SNX8: variants seen among roughly 807,000 people sequenced by gnomAD.
SNX8 encodes sorting nexin-8.
SNX8 carries 25 observed loss-of-function variants against 51.6 expected under a neutral mutation model. The observed-to-expected ratio is 0.48, with a 90% confidence interval of 0.35 to 0.68. The LOEUF (loss-of-function observed/expected upper bound fraction) is 0.68. Ranked by LOEUF, SNX8 falls within the 30% of genes least tolerant of loss-of-function variation. The probability of loss-of-function intolerance (pLI) is 0.00; values close to 1 mark genes in which losing one functional copy is unlikely to be tolerated. For missense variants in SNX8, 695 were observed against 624.0 expected (o/e 1.11, Z -1.21); for synonymous variants, 324 against 277.0 (o/e 1.17, Z -1.68).
At position 2,342,953 on chromosome 7, in the gene SNX8, C is replaced by T. The variant is rs987176675; in HGVS notation, c.-66+11269G>A. Among the ~76,000 whole-genome samples the T allele has an allele frequency of 5.3e-5, 8 of 152,006 alleles. No individual in the cohort carries two copies. The South Asian group carries it at 6.2e-4, about 12-fold the overall frequency. On this transcript the variant is annotated intron_variant, in intron 1 of 5. Coordinates refer to the SNX8 transcript ENST00000435336. ...TTCTCCTGCCTCAGGCGCCCACCAC[C>T]GGCTAATTTTTTTGTATTTTTAGTA...
At chr7:2,320,093 C>T (rs1466770327) in intron 1 of SNX8, among the ~76,000 whole-genome samples, 1 of 152,198 alleles carries the variant, frequency 6.6e-6, no homozygotes, top group East Asian at 1.9e-4. Flanking sequence ...ACATGGCTCA[C>T]GCCTGTAATC....
intron 10 of SNX8, among the ~76,000 whole-genome samples, chr7:2,256,250 C>T (rs1795175266): frequency 6.6e-6 from 1 of 152,226 alleles, no homozygotes; most frequent in Non-Finnish European, 1.5e-5. Flanking sequence ...CAAGCACCTC[C>T]CGGGGACAGT....
intron 7 of SNX8, among the ~76,000 whole-genome samples, chr7:2,262,326 C>T (rs1004157702): frequency 5.3e-5 from 8 of 152,192 alleles, no homozygotes; most frequent in East Asian, 1.9e-4. Flanking sequence ...AGGTGTGAGC[C>T]GCTGTGCCCA....
At chr7:2,333,107 TCTCA>T (rs1778769428) in intron 1 of SNX8, among the ~76,000 whole-genome samples, 1 of 149,280 alleles carries the variant, frequency 6.7e-6, no homozygotes, top group Non-Finnish European at 1.5e-5. Context: ...GAGACGGGGG[TCTCA>T]CTATGTTGCC....
intron 5 of SNX8, among the ~76,000 whole-genome samples, chr7:2,267,798 C>T (rs1229896546): frequency 3.5e-4 from 44 of 125,452 alleles, no homozygotes; most frequent in Non-Finnish European, 2.2e-4. Flanking sequence ...AGGAGCCCCT[C>T]TGCCTGGCTG....
intron 1 of SNX8, among the ~76,000 whole-genome samples, chr7:2,321,147 G>T (rs1278797501): frequency 1.3e-5 from 2 of 152,338 alleles, no homozygotes; most frequent in African/African-American, 4.8e-5. Context: ...AGGTGGAGAA[G>T]AACACAGCAG....
At chr7:2,298,087 C>G (rs77142199) in intron 1 of SNX8, among the ~76,000 whole-genome samples, 3,387 of 152,090 alleles carry the variant, frequency 0.022, 182 homozygotes, top group African/African-American at 0.077. Context: ...AAGCACCTAG[C>G]ATGGTGCCCA....
chr7:2,310,710 G>T (rs1005103109), intron 1 of SNX8, among the ~76,000 whole-genome samples: 10 of 152,108 alleles, frequency 6.6e-5, no homozygotes, highest in African/African-American at 1.2e-4. Flanking sequence ...GGTGGAGCTT[G>T]CAGTGAGCCA....
intron 1 of SNX8, among the ~76,000 whole-genome samples, chr7:2,299,676 G>A (rs193293715): frequency 2.0e-5 from 3 of 152,182 alleles, no homozygotes; most frequent in Non-Finnish European, 2.9e-5. Context: ...GGTTTCTTGC[G>A]TTTTCTTTTT....
At chr7:2,258,027 T>G (rs1361982232) in intron 7 of SNX8, among the ~76,000 whole-genome samples, 1 of 147,010 alleles carries the variant, frequency 6.8e-6, no homozygotes, top group Non-Finnish European at 1.5e-5. Flanking sequence ...TTTTTTTTTT[T>G]GAGTCGGAGT....
At chr7:2,321,139 G>A (rs1288878453) in intron 1 of SNX8, among the ~76,000 whole-genome samples, 1 of 152,210 alleles carries the variant, frequency 6.6e-6, no homozygotes, top group Non-Finnish European at 1.5e-5. Context: ...ATGGAAGCAG[G>A]TGGAGAAGAA....
At chr7:2,273,836 G>A (rs1355108515) in intron 3 of SNX8, among the ~76,000 whole-genome samples, 2 of 151,880 alleles carry the variant, frequency 1.3e-5, no homozygotes, top group East Asian at 1.9e-4. Context: ...CCCGGGAGGC[G>A]GAGCTTGCCA....
intron 1 of SNX8, among the ~76,000 whole-genome samples, chr7:2,352,955 G>A (rs975999853): frequency 6.6e-6 from 1 of 152,142 alleles, no homozygotes; most frequent in African/African-American, 2.4e-5. Context: ...GTCAAACCTG[G>A]TACTAGGCAT....
At chr7:2,298,392 C>G (rs992189560) in intron 1 of SNX8, among the ~76,000 whole-genome samples, 1 of 152,004 alleles carries the variant, frequency 6.6e-6, no homozygotes, top group Non-Finnish European at 1.5e-5. Context: ...TTTTTTGAGA[C>G]GGAGTCTCAT....
At chr7:2,329,567 C>T (rs965337656) in intron 1 of SNX8, among the ~76,000 whole-genome samples, 4 of 152,138 alleles carry the variant, frequency 2.6e-5, no homozygotes, top group African/African-American at 7.2e-5. Flanking sequence ...TTGCCTGCCC[C>T]AGGGCAGGAC....
At chr7:2,315,811 C>A (rs375350079), upstream of SNX8, among the ~76,000 whole-genome samples, 10 of 148,984 alleles carry the variant, frequency 6.7e-5, no homozygotes, top group East Asian at 1.7e-3. Flanking sequence ...TTCATTCACC[C>A]ACTCACTCAC....
At chr7:2,288,573 C>T (rs929568408) in intron 1 of SNX8, 6 of 164,868 alleles carry the variant, frequency 3.6e-5, no homozygotes, top group Admixed American at 1.3e-4. Flanking sequence ...AGGTGTTTCT[C>T]GACTGCGCAG....
At position 2,253,814 on chromosome 7, in the gene SNX8, C is replaced by A. The variant is rs1334543481; in HGVS notation, c.*1242G>T. 1 of 152,278 alleles carries A rather than the reference C, an allele frequency of 6.6e-6. No homozygotes were observed. The highest frequency in any genetic ancestry group is 1.5e-5 in the Non-Finnish European group (1 of 68,070). 9.4% of individuals were successfully genotyped at this position (152,278 alleles called of 1,614,324 possible). A position where few individuals can be genotyped will look rare whatever the true frequency, so the allele number is the denominator to read the frequency against. On this transcript the variant is annotated 3_prime_UTR_variant, in exon 11 of 11. Coordinates refer to ENST00000222990, the MANE Select transcript of SNX8 (RefSeq NM_013321.4). Reference sequence around the variant, plus strand: ...TAGGTACAGGCGGAAGGGAAGCACCCTCCGTGAGAGGAGTGAACGCCCCAG... The same window carrying A: ...TAGGTACAGGCGGAAGGGAAGCACCATCCGTGAGAGGAGTGAACGCCCCAG...
chr7:2,270,757 G>A (rs186647188), intron 4 of SNX8, among the ~76,000 whole-genome samples: 3 of 152,204 alleles, frequency 2.0e-5, no homozygotes, highest in East Asian at 1.9e-4. Flanking sequence ...CTCTGCCTCC[G>A]AGAGGAACGA....
Sources: gnomAD v4.1 joint callset for allele counts (sites outside exome capture counted in the v4.1 genomes callset) on GRCh38, gnomAD v4.1.1 for gene constraint, MANE v1.5 for transcripts, NCBI Gene and HGNC (gene_info 2026-07-23, HGNC 2026-07-21) for gene names.